The following XKR6 variants were observed in gnomAD, a reference collection of about 807,000 sequenced individuals.
The protein encoded by XKR6 is XK-related protein 6.
In XKR6, 22 loss-of-function variants were observed where a neutral mutation model predicts 56.7. That is an observed-to-expected ratio of 0.39 (90% CI 0.28 to 0.55). XKR6 has a LOEUF of 0.55. Ranked by LOEUF, XKR6 falls within the 20% of genes least tolerant of loss-of-function variation. XKR6 has a pLI of 0.66. For missense variants in XKR6, 852 were observed against 889.0 expected (o/e 0.96, Z 0.53); for synonymous variants, 524 against 387.8 (o/e 1.35, Z -4.13).
intron 1 of XKR6, among the ~76,000 whole-genome samples, chr8:11,122,001 C>T (rs1799482121): frequency 6.6e-6 from 1 of 152,192 alleles, no homozygotes; most frequent in Non-Finnish European, 1.5e-5. Flanking sequence ...CACTTGGATA[C>T]AGGAAGGGGA....
At chr8:11,072,895 C>T (rs897848350) in intron 1 of XKR6, among the ~76,000 whole-genome samples, 2 of 152,144 alleles carry the variant, frequency 1.3e-5, no homozygotes, top group Non-Finnish European at 2.9e-5. Context: ...ACTAAAAATA[C>T]AAAAATTAGC....
At chr8:10,982,126 A>T (rs997206151) in intron 1 of XKR6, among the ~76,000 whole-genome samples, 1 of 152,240 alleles carries the variant, frequency 6.6e-6, no homozygotes, top group Non-Finnish European at 1.5e-5. Context: ...ACACACGTCA[A>T]CTCAACCCTT....
rs146211554 is a variant in XKR6 at position 11,177,138 on chromosome 8, T to C, written c.764+23438A>G. On this transcript the variant is annotated intron_variant, in intron 1 of 2. Coordinates refer to ENST00000416569, the MANE Select transcript of XKR6 (RefSeq NM_173683.4). The stretch of plus-strand genomic sequence containing the variant: ...AAAAGCACCATGTGCCAGGTTGAAA[T>C]GATGGAAAACGAGGGCACACCACAC... 5.3e-3 allele frequency among the ~76,000 whole-genome samples: 811 copies of C among 152,206 alleles called. 4 individuals carry two copies. The highest frequency in any genetic ancestry group is 0.018 in the African/African-American group (766 of 41,538).
intron 1 of XKR6, among the ~76,000 whole-genome samples, chr8:10,927,615 C>A (rs1800930500): frequency 6.6e-6 from 1 of 152,128 alleles, no homozygotes; most frequent in African/African-American, 2.4e-5. Flanking sequence ...AAGGGAGCAC[C>A]AGTTCTACCC....
rs527864131 is a variant in XKR6, at chr8:11,128,297, G to T, written c.764+72279C>A. On this transcript the variant is annotated intron_variant, in intron 1 of 2. Coordinates refer to ENST00000416569, the MANE Select transcript of XKR6 (RefSeq NM_173683.4). ...TAAAGCCCCAGTGCATCCAGGCTCA[G>T]TTCCCAGGCCTTCCTGTCTACACTC... 2.0e-4 allele frequency among the ~76,000 whole-genome samples: 31 copies of T among 152,230 alleles called. 1 individual carries two copies. The South Asian group carries it at 6.2e-3, about 31-fold the overall frequency.
At chr8:10,979,476 A>G (rs1441804342) in intron 1 of XKR6, among the ~76,000 whole-genome samples, 2 of 152,004 alleles carry the variant, frequency 1.3e-5, no homozygotes, top group African/African-American at 2.4e-5. Context: ...GGACCTCCAC[A>G]CCAGAGCCAG....
chr8:10,911,488 T>TATAG (rs1554508187), intron 2 of XKR6, among the ~76,000 whole-genome samples: 3 of 146,856 alleles, frequency 2.0e-5, no homozygotes, highest in Admixed American at 6.9e-5. Context: ...TATATATATA[T>TATAG]AGAGAGAGAG....
At chr8:11,190,065 A>T (rs1194737266) in intron 1 of XKR6, among the ~76,000 whole-genome samples, 2 of 152,004 alleles carry the variant, frequency 1.3e-5, no homozygotes, top group East Asian at 3.9e-4. Context: ...GCTGAGGCAG[A>T]AGAATCACTT....
chr8:11,083,432 C>A (rs1168126642), intron 1 of XKR6, among the ~76,000 whole-genome samples: 2 of 152,222 alleles, frequency 1.3e-5, no homozygotes, highest in African/African-American at 2.4e-5. Context: ...ACTGCGCCCT[C>A]ACACCGATCG....
Position 11,201,074 on chromosome 8 carries a change from T to G in XKR6, c.266A>C (p.Asp89Ala). 7.5e-7 allele frequency: 1 copy of G among 1,326,084 alleles called. No individual in the cohort carries two copies. The highest frequency in any genetic ancestry group is 9.6e-7 in the Non-Finnish European group (1 of 1,040,334). The allele number at this position is 1,326,084 out of a possible 1,614,324, so 82.1% of individuals were successfully genotyped here. A position where few individuals can be genotyped will look rare whatever the true frequency, so the allele number is the denominator to read the frequency against. The stretch of plus-strand genomic sequence containing the variant: ...AGGCTGCAGCGGCTGGTCCCCCCCG[T>G]CGGCGGCGGCGCTGCGGCGCGGCTT... Reference protein sequence around the residue: ...GRKPRRSAAADGGDQPLQPPA... With the variant: ...GRKPRRSAAAAGGDQPLQPPA... Residue 89 changes from aspartate to alanine, a missense_variant, in exon 1 of 3, where the codon GAC becomes GCC. By Grantham distance (126) the Asp-to-Ala change is moderately radical (BLOSUM62 -2). This residue lies in a region of XKR6 where 417 missense variants were observed against 355.2 expected (regional missense o/e 1.17). Transcript: ENST00000416569.
At chr8:11,138,017 A>G (rs905049713) in intron 1 of XKR6, 6 of 279,590 alleles carry the variant, frequency 2.1e-5, no homozygotes, top group Admixed American at 9.9e-5. Flanking sequence ...GGAAGACATC[A>G]GAGCAGAAGG....
chr8:10,978,188 G>T (rs1169654976), intron 1 of XKR6, among the ~76,000 whole-genome samples: 1 of 152,180 alleles, frequency 6.6e-6, no homozygotes, highest in African/African-American at 2.4e-5. Flanking sequence ...AACTCGCCAT[G>T]ATTCAGAACA....
At chr8:11,028,450 C>T (rs1586449852) in intron 1 of XKR6, among the ~76,000 whole-genome samples, 1 of 152,208 alleles carries the variant, frequency 6.6e-6, no homozygotes, top group Non-Finnish European at 1.5e-5. Context: ...TTTTCAATTC[C>T]TTTGGGTAAA....
In XKR6 at chr8:11,007,575, C is replaced by G. The variant is rs759831784; in HGVS notation, c.765-82745G>C. Among the ~76,000 whole-genome samples the G allele has an allele frequency of 5.9e-5, 9 of 152,286 alleles. 1 individual carries two copies. The South Asian group carries it at 1.9e-3, about 32-fold the overall frequency. ...CAATACTGATGAGTCACGTGCAGCA[C>G]AGATTATGCCTGACCCACAGAGGAA... On this transcript the variant is annotated intron_variant, in intron 1 of 2. Coordinates refer to ENST00000416569, the MANE Select transcript of XKR6 (RefSeq NM_173683.4).
chr8:11,165,683 A>G (rs1429268492), intron 1 of XKR6, among the ~76,000 whole-genome samples: 1 of 152,134 alleles, frequency 6.6e-6, no homozygotes. Flanking sequence ...TTAACAGTGA[A>G]TCCCAATCCA....
At chr8:11,182,824 T>C (rs1341952068) in intron 1 of XKR6, among the ~76,000 whole-genome samples, 1 of 152,186 alleles carries the variant, frequency 6.6e-6, no homozygotes, top group East Asian at 1.9e-4. Context: ...TCTGCAAGTT[T>C]TTATCTTGTA....
intron 1 of XKR6, among the ~76,000 whole-genome samples, chr8:10,960,327 G>A (rs1802025518): frequency 6.6e-6 from 1 of 152,168 alleles, no homozygotes; most frequent in African/African-American, 2.4e-5. Context: ...AGGATGTCAA[G>A]GGAACTCTCA....
intron 1 of XKR6, among the ~76,000 whole-genome samples, chr8:11,190,851 C>A (rs1563207278): frequency 6.6e-6 from 1 of 152,198 alleles, no homozygotes; most frequent in Non-Finnish European, 1.5e-5. Flanking sequence ...ACTTCTTCAT[C>A]TGTAAAATGG....
chr8:10,912,464 T>TAGAG (rs1214415880), intron 2 of XKR6, among the ~76,000 whole-genome samples: 18 of 114,222 alleles, frequency 1.6e-4, no homozygotes, highest in East Asian at 1.2e-3. Flanking sequence ...TATATATATA[T>TAGAG]ATAGAGAGAG....
Sources: gnomAD v4.1 joint callset for allele counts (sites outside exome capture counted in the v4.1 genomes callset) on GRCh38, gnomAD v4.1.1 for gene constraint, gnomAD v4.1.1 regional missense constraint, MANE v1.5 for transcripts, NCBI Gene and HGNC (gene_info 2026-07-23, HGNC 2026-07-21) for gene names.